GDF7: variants seen among roughly 807,000 people sequenced by gnomAD.
GDF7 encodes the protein growth differentiation factor 7.
In GDF7, 12 loss-of-function variants were observed where a neutral mutation model predicts 13.4. The ratio of observed to expected loss-of-function variants is 0.90; its 90% CI spans 0.57 to 1.45. The LOEUF (loss-of-function observed/expected upper bound fraction) is 1.45. Among genes scored for constraint, GDF7 ranks in the 40% most tolerant of loss-of-function variants. The pLI, the probability that GDF7 is intolerant of heterozygous loss-of-function variation, is 0.00. For synonymous variants in GDF7, 330 were observed against 306.4 expected (o/e 1.08, Z -0.80); for missense variants, 651 against 652.4 (o/e 1.00, Z 0.02).
Position 20,677,446 on chromosome 2 carries a change from G to A in GDF7, c.*6021G>A, listed in dbSNP as rs1036230524. 2 of 152,276 alleles carry A rather than the reference G, an allele frequency of 1.3e-5. No homozygotes were observed. The highest frequency in any genetic ancestry group is 4.8e-5 in the African/African-American group (2 of 41,460). The allele number at this position is 152,276 out of a possible 1,614,324, so 9.4% of individuals were successfully genotyped here. On this transcript the variant is annotated 3_prime_UTR_variant, in exon 2 of 2. Transcript: ENST00000272224. ...GGGGGCTGGAGATTTGTCCAGGCAG[G>A]AGGTGGGCAAGTGGCTGTCTTCTCT...
rs563301908 is a variant in GDF7 at position 20,667,362 on chromosome 2, GGGCGGCGGC to G, written c.141_149del (p.Gly48_Gly50del). On this transcript the variant is annotated inframe_deletion, in exon 1 of 2. Coordinates refer to ENST00000272224, the MANE Select transcript of GDF7 (RefSeq NM_182828.4). This position sits in a 1 kb window ranked among gnomAD's most constrained non-coding sequence, Gnocchi z 6.4. ...GGGCTGGGCCGGTCCGGAGCCCAGG[GGGCGGCGGC>G]GGCGGCGGCGGCGGCGGGCGGACTC... 112 of 809,204 alleles carry G rather than the reference GGGCGGCGGC, an allele frequency of 1.4e-4. No individual in the cohort carries two copies. Among genetic ancestry groups the G allele is most frequent in the Middle Eastern group, 6.5e-4 (1 of 1,548 alleles). The allele number at this position is 809,204 out of a possible 1,614,324, so 50.1% of individuals were successfully genotyped here.
chr2:20,668,940 G>T (rs569842893), intron 1 of GDF7, among the ~76,000 whole-genome samples: 2 of 142,950 alleles, frequency 1.4e-5, no homozygotes, highest in Non-Finnish European at 3.1e-5. Flanking sequence ...GGAGAAGGGG[G>T]GTGTGCTGGG....
rs559100890 is a variant in GDF7, at chr2:20,676,877, A to G, written c.*5452A>G. 2.0e-5 allele frequency: 3 copies of G among 152,366 alleles called. No individual in the cohort carries two copies. In the East Asian group the frequency reaches 5.8e-4, roughly 29 times the overall value. 9.4% of individuals were successfully genotyped at this position (152,366 alleles called of 1,614,324 possible). On this transcript the variant is annotated 3_prime_UTR_variant, in exon 2 of 2. Coordinates refer to ENST00000272224, the MANE Select transcript of GDF7 (RefSeq NM_182828.4). ...ATGCTCACAGTTGCTGAAAAAGCAA[A>G]AATATGCCCTTAGAGCAGCAGAGCA...
rs1019556864 is a variant in GDF7 at position 20,677,625 on chromosome 2, C to A, written c.*6200C>A. The A allele has an allele frequency of 2.0e-5, 3 of 152,278 alleles. No individual in the cohort carries two copies. Among genetic ancestry groups the A allele is most frequent in the African/African-American group, 7.2e-5 (3 of 41,470 alleles). The allele number at this position is 152,278 out of a possible 1,614,324, so 9.4% of individuals were successfully genotyped here. A position where few individuals can be genotyped will look rare whatever the true frequency, so the allele number is the denominator to read the frequency against. On this transcript the variant is annotated 3_prime_UTR_variant, in exon 2 of 2. Coordinates refer to ENST00000272224, the MANE Select transcript of GDF7 (RefSeq NM_182828.4). ...GTAAGGTTCGTTAACAGGCATCCTGCTGAATTAGAAGGAAACAGGAACGAA... is the reference window on the plus strand; with the variant it reads ...GTAAGGTTCGTTAACAGGCATCCTGATGAATTAGAAGGAAACAGGAACGAA...
chr2:20,667,312 G>A lies in GDF7; in HGVS notation c.73G>A (p.Ala25Thr). ...SACRPRDGLE[A>T]AAVLRAAGAG... ...CTGCCGCCCCCGCGACGGGCTGGAAGCGGCCGCCGTGCTGCGAGCGGCGGG... is the reference window on the plus strand; with the variant it reads ...CTGCCGCCCCCGCGACGGGCTGGAAACGGCCGCCGTGCTGCGAGCGGCGGG... The change falls in exon 1 of 2, where the codon GCG becomes ACG. Residue 25 changes from alanine to threonine, a missense_variant. Physicochemically the swap from Ala to Thr is moderately conservative, Grantham distance 58. Coordinates refer to ENST00000272224, the MANE Select transcript of GDF7 (RefSeq NM_182828.4). The surrounding 1 kb of genome is among the most constrained non-coding windows in gnomAD (Gnocchi z 6.4). The A allele has an allele frequency of 8.9e-7, 1 of 1,129,534 alleles. No individual in the cohort carries two copies. Among genetic ancestry groups the A allele is most frequent in the South Asian group, 2.9e-5 (1 of 33,976 alleles). The allele number at this position is 1,129,534 out of a possible 1,614,324, so 70.0% of individuals were successfully genotyped here.
rs1039067365 is a variant in GDF7, at chr2:20,671,570, C to A, written c.*145C>A. 10 of 769,620 alleles carry A rather than the reference C, an allele frequency of 1.3e-5. No homozygotes were observed. The Middle Eastern group carries it at 1.1e-3, about 88-fold the overall frequency. The allele number at this position is 769,620 out of a possible 1,614,324, so 47.7% of individuals were successfully genotyped here. On this transcript the variant is annotated 3_prime_UTR_variant, in exon 2 of 2. Transcript: ENST00000272224. ...GAGGGAGAGCACACGTTCACACTCA[C>A]ACACACTCGTGCAGTCACGCACACA...
rs538324348 is a variant in GDF7, at chr2:20,668,601, G to A, written c.391+971G>A. On this transcript the variant is annotated intron_variant, in intron 1 of 1. Transcript: ENST00000272224. Reference sequence around the variant, plus strand: ...GGGAAAGAAAGGCGAATAGGGCTGGGAAGTGAGCGGGTGGGGCTGAGGCAG... The same window carrying A: ...GGGAAAGAAAGGCGAATAGGGCTGGAAAGTGAGCGGGTGGGGCTGAGGCAG... Among the ~76,000 whole-genome samples the A allele has an allele frequency of 5.9e-5, 9 of 152,354 alleles. No homozygotes were observed. The East Asian group carries it at 1.2e-3, about 20-fold the overall frequency.
chr2:20,667,534 C>G lies in GDF7; in HGVS notation c.295C>G (p.Leu99Val), dbSNP rs1206864011. The G allele has an allele frequency of 2.8e-6, 4 of 1,444,364 alleles. No homozygotes were observed. In the African/African-American group the frequency reaches 5.9e-5, roughly 21 times the overall value. 89.5% of individuals were successfully genotyped at this position (1,444,364 alleles called of 1,614,324 possible). ...CTTCATGATGTCGCTTTACCGGAGC[C>G]TGGCCGGGAGGGCTCCGGCCGGGGC... ...HHFMMSLYRS[L>V]AGRAPAGAAA... Residue 99 changes from leucine to valine, a missense_variant, in exon 1 of 2, where the codon CTG becomes GTG. Transcript: ENST00000272224. This position sits in a 1 kb window ranked among gnomAD's most constrained non-coding sequence, Gnocchi z 6.4.
chr2:20,671,298 C>CT lies in GDF7; in HGVS notation c.1226_1227insT (p.Ala410GlyfsTer76). 1 of 1,613,768 alleles carries CT rather than the reference C, an allele frequency of 6.2e-7. No homozygotes were observed. Among genetic ancestry groups the CT allele is most frequent in the Non-Finnish European group, 8.5e-7 (1 of 1,179,948 alleles). Reference sequence around the variant, plus strand: ...CTGCTCAACTCCATGGCACCAGACGCGGCGCCGGCCTCCTGCTGTGTGCCA... The same window carrying CT: ...CTGCTCAACTCCATGGCACCAGACGCTGGCGCCGGCCTCCTGCTGTGTGCCA... On this transcript the variant is annotated frameshift_variant, in exon 2 of 2. Coordinates refer to ENST00000272224, the MANE Select transcript of GDF7 (RefSeq NM_182828.4). LOFTEE classifies it high-confidence loss of function.
In GDF7 at chr2:20,678,676, A is replaced by T. The variant is rs1662274261; in HGVS notation, c.*7251A>T. ...TACTGTGATTTTAAGGAAACGGTAA[A>T]ACTCAAAGTGCCAGTAATGCCATCA... On this transcript the variant is annotated 3_prime_UTR_variant, in exon 2 of 2. Transcript: ENST00000272224. 1 of 152,244 alleles carries T rather than the reference A, an allele frequency of 6.6e-6. No individual in the cohort carries two copies. Among genetic ancestry groups the T allele is most frequent in the Non-Finnish European group, 1.5e-5 (1 of 68,044 alleles). 9.4% of individuals were successfully genotyped at this position (152,244 alleles called of 1,614,324 possible). A position where few individuals can be genotyped will look rare whatever the true frequency, so the allele number is the denominator to read the frequency against.
rs763741972 is a variant in GDF7 at position 20,671,080 on chromosome 2, C to G, written c.1008C>G (p.Gly336=). The G allele has an allele frequency of 1.3e-6, 2 of 1,503,274 alleles. No individual in the cohort carries two copies. The highest frequency in any genetic ancestry group is 1.3e-5 in the South Asian group (1 of 75,822). The allele number at this position is 1,503,274 out of a possible 1,614,324, so 93.1% of individuals were successfully genotyped here. A position where few individuals can be genotyped will look rare whatever the true frequency, so the allele number is the denominator to read the frequency against. The part of the protein sequence containing the change: ...GTRTAQGSGG[G]AGRGHGRRGR... ...GGACAGCGCAGGGCAGCGGCGGGGG[C>G]GCGGGCCGGGGCCACGGGCGCAGGG... The change falls in exon 2 of 2, where the codon GGC becomes GGG. Residue 336 remains glycine, a synonymous_variant. Transcript: ENST00000272224.
rs145462132 is a variant in GDF7, at chr2:20,668,157, G to A, written c.391+527G>A. On this transcript the variant is annotated intron_variant, in intron 1 of 1. Transcript: ENST00000272224. ...TATCAGACTAAAGTAAATGGCCCTGGAGAGGCTGGTGGCATAACCAGGTAT... is the reference window on the plus strand; with the variant it reads ...TATCAGACTAAAGTAAATGGCCCTGAAGAGGCTGGTGGCATAACCAGGTAT... 3.1e-3 allele frequency among the ~76,000 whole-genome samples: 466 copies of A among 152,342 alleles called. 1 individual carries two copies. Among genetic ancestry groups the A allele is most frequent in the African/African-American group, 0.011 (448 of 41,588 alleles).
At chr2:20,668,612 G>A (rs1215111449) in intron 1 of GDF7, among the ~76,000 whole-genome samples, 2 of 152,234 alleles carry the variant, frequency 1.3e-5, no homozygotes, top group Admixed American at 6.5e-5. Flanking sequence ...AAGTGAGCGG[G>A]TGGGGCTGAG....
In GDF7 at chr2:20,671,288, GCA is replaced by G; in HGVS notation, c.1218_1219del (p.Pro407ArgfsTer78). 6.2e-7 allele frequency: 1 copy of G among 1,613,838 alleles called. No individual in the cohort carries two copies. The highest frequency in any genetic ancestry group is 8.5e-7 in the Non-Finnish European group (1 of 1,179,966). ...CATTCAGACGCTGCTCAACTCCATG[GCA>G]CCAGACGCGGCGCCGGCCTCCTGCT... ...AIIQTLLNSM[A>X]PDAAPASCCV... is the part of the protein sequence containing the mutation. On this transcript the variant is annotated frameshift_variant, in exon 2 of 2. Transcript: ENST00000272224. LOFTEE classifies it high-confidence loss of function.
chr2:20,671,715 G>A lies in GDF7; in HGVS notation c.*290G>A, dbSNP rs79489180. ...CGCCCACTGCCCCCATTTAGGGAGA[G>A]GAAGGTGTTTGTGCTGATGTTGCAG... On this transcript the variant is annotated 3_prime_UTR_variant, in exon 2 of 2. Transcript: ENST00000272224. The A allele has an allele frequency of 1.7e-3, 712 of 410,906 alleles. 6 individuals are homozygous for A. Among genetic ancestry groups the A allele is most frequent in the African/African-American group, 0.013 (619 of 49,424 alleles). The allele number at this position is 410,906 out of a possible 1,614,324, so 25.5% of individuals were successfully genotyped here.
At chr2:20,670,377 AT>A in intron 1 of GDF7, 86 bp from the exon 2 acceptor site, 1 of 1,353,382 alleles carries the variant, frequency 7.4e-7, no homozygotes, top group Non-Finnish European at 9.6e-7. Flanking sequence ...CAGCTGGGCC[AT>A]TTGCTGTTAG....
intron 1 of GDF7, among the ~76,000 whole-genome samples, chr2:20,668,696 C>T (rs1182464021): frequency 6.6e-6 from 1 of 152,216 alleles, no homozygotes; most frequent in East Asian, 1.9e-4. Flanking sequence ...AGAGGCCTTG[C>T]AAGTGACCAG....
Position 20,670,637 on chromosome 2 carries a change from G to A in GDF7, c.565G>A (p.Ala189Thr), listed in dbSNP as rs1439010247. Residue 189 changes from alanine to threonine, a missense_variant, in exon 2 of 2, where the codon GCC (alanine) becomes ACC (threonine). Physicochemically the swap from Ala to Thr is moderately conservative, Grantham distance 58. Around this residue, in one of 4 missense-constraint regions of GDF7, gnomAD observed 487 missense variants for 445.9 expected, o/e 1.09. Coordinates refer to ENST00000272224, the MANE Select transcript of GDF7 (RefSeq NM_182828.4). ...GCTGCTGTCCACGTGCCCGGGCGCC[G>A]CCCGAGCGCCACGCCTGCTGTACTC... ...LLLLSTCPGA[A>T]RAPRLLYSRA... 1.9e-6 allele frequency: 3 copies of A among 1,557,620 alleles called. No homozygotes were observed. The highest frequency in any genetic ancestry group is 2.4e-5 in the East Asian group (1 of 41,752).
chr2:20,668,611 G>T (rs2149310596), intron 1 of GDF7, among the ~76,000 whole-genome samples: 1 of 152,362 alleles, frequency 6.6e-6, no homozygotes, highest in East Asian at 1.9e-4. Context: ...GAAGTGAGCG[G>T]GTGGGGCTGA....
Sources: gnomAD v4.1 joint callset for allele counts (sites outside exome capture counted in the v4.1 genomes callset) on GRCh38, gnomAD v4.1.1 for gene constraint, gnomAD v4.1.1 regional missense constraint, Gnocchi (gnomAD v3.1) non-coding constraint, MANE v1.5 for transcripts, NCBI Gene and HGNC (gene_info 2026-07-23, HGNC 2026-07-21) for gene names.